TNFSF9: variants seen among roughly 807,000 people sequenced by gnomAD.
TNFSF9 encodes TNF superfamily member 9.
In TNFSF9, 10 loss-of-function variants were observed where a neutral mutation model predicts 10.3. The observed-to-expected ratio is 0.97, with a 90% confidence interval of 0.60 to 1.65. The LOEUF is 1.65. Among genes scored for constraint, TNFSF9 ranks in the 40% most tolerant of loss-of-function variants. TNFSF9 has a pLI of 0.00. For synonymous variants in TNFSF9, 195 were observed against 176.1 expected, an observed-to-expected ratio of 1.11 and a Z score of -0.85; for missense variants, 361 against 348.9, an observed-to-expected ratio of 1.03 and a Z score of -0.28.
At chr19:6,532,343 G>T (rs1222266534) in intron 1 of TNFSF9, among the ~76,000 whole-genome samples, 1 of 150,966 alleles carries the variant, frequency 6.6e-6, no homozygotes, top group Admixed American at 6.6e-5. Context: ...GTGTTCGTGT[G>T]GGGGTGCGTA....
Position 6,534,590 on chromosome 19 carries a change from C to G in TNFSF9, c.299-10C>G. On this transcript the variant is annotated splice_polypyrimidine_tract_variant and intron_variant, in intron 2 of 2. Coordinates refer to ENST00000245817, the MANE Select transcript of TNFSF9 (RefSeq NM_003811.4). Reference sequence around the variant, plus strand: ...CTCAGCTAAGCTAAGTGCATGCTTTCCTCCCACAGTTCTGCTGATCGATGG... The same window carrying G: ...CTCAGCTAAGCTAAGTGCATGCTTTGCTCCCACAGTTCTGCTGATCGATGG... The G allele has an allele frequency of 6.4e-7, 1 of 1,557,092 alleles. No individual in the cohort carries two copies. Among genetic ancestry groups the G allele is most frequent in the East Asian group, 2.4e-5 (1 of 41,568 alleles).
At chr19:6,532,647 C>A in intron 1 of TNFSF9, 139 bp from the exon 2 acceptor site, 1 of 1,136,372 alleles carries the variant, frequency 8.8e-7, no homozygotes, top group Non-Finnish European at 1.3e-6. Context: ...GGTCTCTGTT[C>A]TTTAGTTGGG....
Position 6,531,127 on chromosome 19 carries a change from C to A in TNFSF9, c.91C>A (p.Leu31Met). 1.2e-6 allele frequency: 2 copies of A among 1,608,290 alleles called. No individual in the cohort carries two copies. Among genetic ancestry groups the A allele is most frequent in the Non-Finnish European group, 1.7e-6 (2 of 1,177,894 alleles). The change falls in exon 1 of 3, where the codon CTG becomes ATG. Residue 31 changes from leucine (L) to methionine (M), a missense_variant. Leu to Met is a conservative substitution (Grantham distance 15). Transcript: ENST00000245817. ...ARACRVLPWA[L>M]VAGLLLLLLL... ...CGCCTGCCGCGTACTGCCTTGGGCC[C>A]TGGTCGCGGGGCTGCTGCTGCTGCT...
intron 2 of TNFSF9, among the ~76,000 whole-genome samples, chr19:6,533,771 A>G: frequency 2.1e-3 from 1 of 480 alleles, no homozygotes; most frequent in Non-Finnish European, 3.5e-3. Context: ...CCCTCCAGAG[A>G]CACCTTCTCC....
At position 6,534,531 on chromosome 19, in the gene TNFSF9, G is replaced by C. The variant is rs543412990; in HGVS notation, c.299-69G>C. 26 of 1,425,156 alleles carry C rather than the reference G, an allele frequency of 1.8e-5. No individual in the cohort carries two copies. The East Asian group carries it at 4.2e-4, about 23-fold the overall frequency. 88.3% of individuals were successfully genotyped at this position (1,425,156 alleles called of 1,614,324 possible). On this transcript the variant is annotated intron_variant, in intron 2 of 2. Coordinates refer to ENST00000245817, the MANE Select transcript of TNFSF9 (RefSeq NM_003811.4). ...CTCCCAGGGCTGCGCTGACATGTTC[G>C]GTGCTCAGCCACGCTCAGCTGTGCT...
At position 6,534,711 on chromosome 19, in the gene TNFSF9, A is replaced by G; in HGVS notation, c.410A>G (p.Lys137Arg). 6.3e-7 allele frequency: 1 copy of G among 1,596,392 alleles called. No homozygotes were observed. Among genetic ancestry groups the G allele is most frequent in the Middle Eastern group, 1.7e-4 (1 of 6,044 alleles). The stretch of plus-strand genomic sequence containing the variant: ...GACACGAAGGAGCTGGTGGTGGCCA[A>G]GGCTGGAGTCTACTATGTCTTCTTT... ...KEDTKELVVA[K>R]AGVYYVFFQL... Residue 137 changes from lysine (K) to arginine (R), a missense_variant, in exon 3 of 3, where the codon AAG becomes AGG. Transcript: ENST00000245817.
intron 1 of TNFSF9, 87 bp from the exon 2 acceptor site, chr19:6,532,699 G>T (rs2145285967): frequency 6.3e-7 from 1 of 1,598,706 alleles, no homozygotes; most frequent in Non-Finnish European, 8.6e-7. Flanking sequence ...CAGACTCTGG[G>T]GACCCTGACA....
chr19:6,531,383 C>T, intron 1 of TNFSF9, 80 bp downstream of exon 1: 1 of 1,373,494 alleles, frequency 7.3e-7, no homozygotes, highest in South Asian at 1.7e-5. Flanking sequence ...CTCCCTCCCG[C>T]ACCCCCAGGG....
At chr19:6,534,360 C>T (rs1041340149) in intron 2 of TNFSF9, among the ~76,000 whole-genome samples, 1 of 150,566 alleles carries the variant, frequency 6.6e-6, no homozygotes, top group Non-Finnish European at 1.5e-5. Flanking sequence ...AGCTCTACCC[C>T]TGCTCAGAGT....
chr19:6,532,860 C>G (rs760246267), intron 2 of TNFSF9, 44 bp downstream of exon 2: 7 of 1,613,208 alleles, frequency 4.3e-6, no homozygotes, highest in Non-Finnish European at 5.9e-6. Flanking sequence ...CCCCACCATC[C>G]CCACCCCGGG....
At chr19:6,534,456 C>G in intron 2 of TNFSF9, 144 bp from the exon 3 acceptor site, 1 of 665,276 alleles carries the variant, frequency 1.5e-6, no homozygotes, top group South Asian at 1.9e-5. Flanking sequence ...TCCCCTGTCC[C>G]GCTCCCTGCC....
chr19:6,532,751 C>T lies in TNFSF9; in HGVS notation c.268-35C>T, dbSNP rs781192547. The T allele has an allele frequency of 2.4e-5, 39 of 1,613,532 alleles. 2 individuals carry two copies. In the South Asian group the frequency reaches 4.3e-4, roughly 18 times the overall value. The stretch of plus-strand genomic sequence containing the variant: ...ACAGAACCTCCATTTTCTAGGGGAA[C>T]CCCCATCCACTTTCCTCCTTTCTAC... On this transcript the variant is annotated intron_variant, in intron 1 of 2. Transcript: ENST00000245817.
In TNFSF9 at chr19:6,531,033, C is replaced by G. The variant is rs763754219; in HGVS notation, c.-4C>G. 21 of 1,608,270 alleles carry G rather than the reference C, an allele frequency of 1.3e-5. No homozygotes were observed. In the Admixed American group the frequency reaches 2.0e-4, roughly 15 times the overall value. Reference sequence around the variant, plus strand: ...CGCGCTGTGTCTTCCCGCAGTCTCTCGTCATGGAATACGCCTCTGACGCTT... The same window carrying G: ...CGCGCTGTGTCTTCCCGCAGTCTCTGGTCATGGAATACGCCTCTGACGCTT... On this transcript the variant is annotated 5_prime_UTR_variant, in exon 1 of 3. Transcript: ENST00000245817.
Position 6,535,237 on chromosome 19 carries a change from G to A in TNFSF9, c.*171G>A, listed in dbSNP as rs1388559618. 8.1e-6 allele frequency: 4 copies of A among 496,762 alleles called. No individual in the cohort carries two copies. The highest frequency in any genetic ancestry group is 1.4e-5 in the Non-Finnish European group (4 of 291,330). The allele number at this position is 496,762 out of a possible 1,614,324, so 30.8% of individuals were successfully genotyped here. A position where few individuals can be genotyped will look rare whatever the true frequency, so the allele number is the denominator to read the frequency against. On this transcript the variant is annotated 3_prime_UTR_variant, in exon 3 of 3. Transcript: ENST00000245817. The stretch of plus-strand genomic sequence containing the variant: ...TCCTCACCCACTCCTTCCCCAAGTT[G>A]GACCTTGATATTTATTCTGAGCCTG...
chr19:6,534,758 GT>G lies in TNFSF9; in HGVS notation c.458del (p.Val153GlyfsTer29). 6.3e-7 allele frequency: 1 copy of G among 1,599,370 alleles called. No individual in the cohort carries two copies. The highest frequency in any genetic ancestry group is 8.5e-7 in the Non-Finnish European group (1 of 1,173,666). On this transcript the variant is annotated frameshift_variant, in exon 3 of 3. Transcript: ENST00000245817. LOFTEE classifies it low-confidence loss of function (END_TRUNC). ...VFFQLELRRV[V>X]AGEGSGSVSL... ...CTTTCAACTAGAGCTGCGGCGCGTG[GT>G]GGCCGGCGAGGGCTCAGGCTCCGTT...
chr19:6,531,386 C>T (rs1045198279), intron 1 of TNFSF9, 83 bp downstream of exon 1: 7 of 1,370,358 alleles, frequency 5.1e-6, no homozygotes, highest in African/African-American at 4.6e-5. Context: ...CCTCCCGCAC[C>T]CCCAGGGACA....
At chr19:6,531,943 A>G (rs1568420022) in intron 1 of TNFSF9, among the ~76,000 whole-genome samples, 2 of 151,970 alleles carry the variant, frequency 1.3e-5, no homozygotes, top group Non-Finnish European at 2.9e-5. Context: ...CCAACCCTCG[A>G]CGGCTTCCTT....
chr19:6,535,095 C>T lies in TNFSF9; in HGVS notation c.*29C>T. On this transcript the variant is annotated 3_prime_UTR_variant, in exon 3 of 3. Transcript: ENST00000245817. ...CCAGCCTGGGTGCAGCCCACCTGGACAGAGTCCGAATCCTACTCCATCCTT... is the reference window on the plus strand; with the variant it reads ...CCAGCCTGGGTGCAGCCCACCTGGATAGAGTCCGAATCCTACTCCATCCTT... 1 of 1,499,584 alleles carries T rather than the reference C, an allele frequency of 6.7e-7. No homozygotes were observed. The highest frequency in any genetic ancestry group is 2.3e-5 in the East Asian group (1 of 42,786). 92.9% of individuals were successfully genotyped at this position (1,499,584 alleles called of 1,614,324 possible).
chr19:6,532,588 C>CGTTTGT (rs549092529), intron 1 of TNFSF9, among the ~76,000 whole-genome samples, 198 bp from the exon 2 acceptor site: 1 of 141,044 alleles, frequency 7.1e-6, no homozygotes, highest in Non-Finnish European at 1.5e-5. Flanking sequence ...TGTGTGTGTT[C>CGTTTGT]GTTTGTGTTT....
Sources: gnomAD v4.1 joint callset for allele counts (sites outside exome capture counted in the v4.1 genomes callset) on GRCh38, gnomAD v4.1.1 for gene constraint, MANE v1.5 for transcripts, NCBI Gene and HGNC (gene_info 2026-07-23, HGNC 2026-07-21) for gene names.